The following GRM4 variants were observed in gnomAD, a reference collection of about 807,000 sequenced individuals.
GRM4 encodes glutamate metabotropic receptor 4, also known as metabotropic glutamate receptor 4.
In GRM4, 28 loss-of-function variants were observed where a neutral mutation model predicts 81.7. The observed-to-expected ratio is 0.34, with a 90% CI of 0.25 to 0.47. The LOEUF (loss-of-function observed/expected upper bound fraction) is 0.47, where lower values mean the gene tolerates loss of function less well. Ranked by LOEUF, GRM4 falls within the 20% of genes least tolerant of loss-of-function variation. The probability of loss-of-function intolerance (pLI) is 1.00; values close to 1 mark genes in which losing one functional copy is unlikely to be tolerated. For missense variants in GRM4, 948 were observed against 1,290.0 expected, an observed-to-expected ratio of 0.73 and a Z score of 4.06; for synonymous variants, 488 against 528.8, an observed-to-expected ratio of 0.92 and a Z score of 1.06.
At chr6:34,027,412 T>A (rs1472581485) in intron 10 of GRM4, among the ~76,000 whole-genome samples, 1 of 151,830 alleles carries the variant, frequency 6.6e-6, no homozygotes, top group Non-Finnish European at 1.5e-5. Context: ...CCTGGTGCCC[T>A]CCCCCACCAC....
chr6:34,144,561 C>A (rs1770840358), intron 1 of GRM4, among the ~76,000 whole-genome samples: 1 of 152,202 alleles, frequency 6.6e-6, no homozygotes. Flanking sequence ...AAGCGGTTGC[C>A]GGGCTCCGGC....
rs1042184755 is a variant in GRM4 at position 34,074,074 on chromosome 6, T to C, written c.737-12046A>G. Among the ~76,000 whole-genome samples, 3 of 152,062 alleles carry C rather than the reference T, an allele frequency of 2.0e-5. No homozygotes were observed. Among genetic ancestry groups the C allele is most frequent in the Non-Finnish European group, 4.4e-5 (3 of 67,992 alleles). On this transcript the variant is annotated intron_variant, in intron 3 of 10. Transcript: ENST00000538487. The surrounding 1 kb of genome is among the most constrained non-coding windows in gnomAD (Gnocchi z 4.9). ...CCACCAGGCTCTCCATTCCTGCCCA[T>C]CCCTTCCCCTGCCAGGAGAACGGGG...
rs1231281344 is a variant in GRM4, at chr6:34,072,126, GAC to G, written c.737-10100_737-10099del. ...CCACCACAGATACACACCACACATA[GAC>G]ACACATCACCACACAGATACACACC... On this transcript the variant is annotated intron_variant, in intron 3 of 10. Transcript: ENST00000538487. 1.7e-3 allele frequency among the ~76,000 whole-genome samples: 7 copies of G among 4,218 alleles called. No individual in the cohort carries two copies. In the East Asian group the frequency reaches 0.029, roughly 17 times the overall value. The allele number at this position is 4,218 out of a possible 152,430, so 2.8% of individuals were successfully genotyped here. A position where few individuals can be genotyped will look rare whatever the true frequency, so the allele number is the denominator to read the frequency against.
chr6:34,023,285 T>G (rs1445413208), intron 10 of GRM4, among the ~76,000 whole-genome samples: 1 of 152,254 alleles, frequency 6.6e-6, no homozygotes, highest in Non-Finnish European at 1.5e-5. Context: ...AGAAACCTTT[T>G]TTTATGACAT....
At chr6:34,110,745 C>T (rs769264012) in intron 2 of GRM4, 22 of 1,499,204 alleles carry the variant, frequency 1.5e-5, no homozygotes, top group South Asian at 3.8e-5. Flanking sequence ...ACCTGCAGCC[C>T]GTGAGTCCCC....
intron 2 of GRM4, among the ~76,000 whole-genome samples, chr6:34,097,311 A>G (rs1768577054): frequency 1.3e-5 from 2 of 151,872 alleles, no homozygotes; most frequent in South Asian, 4.2e-4. Context: ...AGGCCCAGGG[A>G]GCAGCCAGTG....
intron 2 of GRM4, among the ~76,000 whole-genome samples, chr6:34,096,614 A>G (rs1242399048): frequency 6.6e-6 from 1 of 152,244 alleles, no homozygotes; most frequent in African/African-American, 2.4e-5. Context: ...TCTGGGAGAC[A>G]TCAGCAGAGA....
intron 2 of GRM4, chr6:34,110,564 G>C: frequency 1.6e-6 from 1 of 617,192 alleles, no homozygotes; most frequent in East Asian, 3.0e-5. Context: ...CCACATCTCT[G>C]ATTGAATGTC....
intron 3 of GRM4, among the ~76,000 whole-genome samples, chr6:34,067,386 T>TTCCC (rs1259563676): frequency 1.6e-5 from 2 of 124,872 alleles, no homozygotes; most frequent in Admixed American, 7.9e-5. Flanking sequence ...CCCTCCGTCC[T>TTCCC]TCCCTCCCTC....
chr6:34,082,726 A>G lies in GRM4; in HGVS notation c.736+9157T>C, dbSNP rs142666840. Among the ~76,000 whole-genome samples the G allele has an allele frequency of 9.9e-4, 151 of 152,374 alleles. 1 individual carries two copies. The East Asian group carries it at 0.016, about 16-fold the overall frequency. ...GCCCGGCCCACCCGGCAAGCACCGT[A>G]TAGGTATTCACGCACTTAACCTCAC... On this transcript the variant is annotated intron_variant, in intron 3 of 10. Transcript: ENST00000538487.
At chr6:34,153,083 G>A (rs1240907626) in intron 1 of GRM4, among the ~76,000 whole-genome samples, 1 of 152,076 alleles carries the variant, frequency 6.6e-6, no homozygotes, top group Non-Finnish European at 1.5e-5. Flanking sequence ...CCTGCGGTGC[G>A]ACCCTGGAGA....
At chr6:34,072,994 C>CACA (rs1767050709) in intron 3 of GRM4, among the ~76,000 whole-genome samples, 1 of 44,538 alleles carries the variant, frequency 2.2e-5, no homozygotes. Flanking sequence ...CACACACACA[C>CACA]ATCACACAGA....
In GRM4 at chr6:34,064,845, C is replaced by T. The variant is rs536046984; in HGVS notation, c.737-2817G>A. 7.2e-5 allele frequency among the ~76,000 whole-genome samples: 11 copies of T among 152,252 alleles called. No individual in the cohort carries two copies. The highest frequency in any genetic ancestry group is 1.9e-4 in the East Asian group (1 of 5,182). On this transcript the variant is annotated intron_variant, in intron 3 of 10. Coordinates refer to ENST00000538487, the MANE Select transcript of GRM4 (RefSeq NM_000841.4). The surrounding 1 kb of genome is among the most constrained non-coding windows in gnomAD (Gnocchi z 4.4). ...TCTCAATGAATCCTTACACATTAGC[C>T]GGTGCTAATATCCCCATCTCACAGA... is the stretch of plus-strand genomic sequence containing the variant.
Position 34,047,094 on chromosome 6 carries a change from T to A in GRM4, c.1169-6346A>T, listed in dbSNP as rs1268992998. Among the ~76,000 whole-genome samples the A allele has an allele frequency of 3.3e-5, 5 of 152,000 alleles. No individual in the cohort carries two copies. Among genetic ancestry groups the A allele is most frequent in the Non-Finnish European group, 7.4e-5 (5 of 67,960 alleles). ...CAGTCTCCCAAGTGTGAATTCCGGA[T>A]AGTAAGACTTACTTCGAGGGGCCAC... On this transcript the variant is annotated intron_variant, in intron 6 of 10. Transcript: ENST00000538487. This position sits in a 1 kb window ranked among gnomAD's most constrained non-coding sequence, Gnocchi z 4.5.
At position 34,136,064 on chromosome 6, in the gene GRM4, C is replaced by T. The variant is rs971272877; in HGVS notation, c.-363-2205G>A. Among the ~76,000 whole-genome samples, 4 of 152,216 alleles carry T rather than the reference C, an allele frequency of 2.6e-5. No homozygotes were observed. The highest frequency in any genetic ancestry group is 4.8e-5 in the African/African-American group (2 of 41,450). On this transcript the variant is annotated intron_variant, in intron 1 of 10. Transcript: ENST00000538487. The surrounding 1 kb of genome is among the most constrained non-coding windows in gnomAD (Gnocchi z 4.1). ...AAACACCATCCTGTCCAAATGCCGA[C>T]GGTGCCTCGTGGAGAAATCACAGCA...
Position 34,145,260 on chromosome 6 carries a change from G to C in GRM4, c.-364+740C>G, listed in dbSNP as rs563704938. The stretch of plus-strand genomic sequence containing the variant: ...CGCGCCGCGGAGCCGCCCGGAGTCC[G>C]GGACGCAGCAGGGATGAGCTGGCGG... On this transcript the variant is annotated intron_variant, in intron 1 of 10. Coordinates refer to ENST00000538487, the MANE Select transcript of GRM4 (RefSeq NM_000841.4). 2.6e-3 allele frequency among the ~76,000 whole-genome samples: 397 copies of C among 151,768 alleles called. 3 individuals carry two copies. Among genetic ancestry groups the C allele is most frequent in the Middle Eastern group, 0.017 (5 of 292 alleles).
At chr6:34,075,906 G>T (rs1240914584) in intron 3 of GRM4, among the ~76,000 whole-genome samples, 1 of 152,232 alleles carries the variant, frequency 6.6e-6, no homozygotes, top group Non-Finnish European at 1.5e-5. Context: ...CCTAGTTTCT[G>T]ACAATGTTGT....
intron 6 of GRM4, 76 bp downstream of exon 6, chr6:34,056,468 G>T: frequency 2.3e-6 from 3 of 1,327,112 alleles, no homozygotes; most frequent in East Asian, 2.5e-5. Context: ...GGAGACTCTC[G>T]GCCTCAGGCC....
chr6:34,048,816 G>A lies in GRM4; in HGVS notation c.1168+7728C>T, dbSNP rs560539743. On this transcript the variant is annotated intron_variant, in intron 6 of 10. Transcript: ENST00000538487. This position sits in a 1 kb window ranked among gnomAD's most constrained non-coding sequence, Gnocchi z 4.0. Reference sequence around the variant, plus strand: ...CTCTCCTGTTCCACCATGGTAAGCCGTGCTTGCTTCCTCTTCGCCTTCCAC... The same window carrying A: ...CTCTCCTGTTCCACCATGGTAAGCCATGCTTGCTTCCTCTTCGCCTTCCAC... Among the ~76,000 whole-genome samples the A allele has an allele frequency of 2.0e-5, 3 of 152,068 alleles. No individual in the cohort carries two copies. Among genetic ancestry groups the A allele is most frequent in the East Asian group, 1.9e-4 (1 of 5,182 alleles).
Sources: allele counts gnomAD v4.1 joint callset (sites outside exome capture counted in the v4.1 genomes callset), GRCh38; gene constraint gnomAD v4.1.1; non-coding constraint Gnocchi (gnomAD v3.1); transcripts MANE v1.5; gene names NCBI Gene and HGNC (gene_info 2026-07-23, HGNC 2026-07-21).